The following BLK variants were observed in gnomAD, a reference collection of about 807,000 sequenced individuals.
The protein encoded by BLK is tyrosine-protein kinase Blk.
BLK carries 64 observed loss-of-function variants against 61.8 expected under a neutral mutation model. The observed-to-expected ratio is 1.03, with a 90% CI of 0.85 to 1.27. BLK has a LOEUF of 1.27. Among genes scored for constraint, BLK ranks in the 50% most tolerant of loss-of-function variants. The pLI is 0.00. For synonymous variants in BLK, 351 were observed against 272.0 expected, an observed-to-expected ratio of 1.29 and a Z score of -2.86; for missense variants, 853 against 660.5, an observed-to-expected ratio of 1.29 and a Z score of -3.19.
chr8:11,513,068 T>C (rs1388192049), intron 1 of BLK, among the ~76,000 whole-genome samples: 1 of 152,260 alleles, frequency 6.6e-6, no homozygotes, highest in Non-Finnish European at 1.5e-5. Flanking sequence ...CTTGAAGTTC[T>C]TTTTTGTCCT....
At chr8:11,542,869 A>G (rs1213011600) in intron 1 of BLK, among the ~76,000 whole-genome samples, 1 of 152,180 alleles carries the variant, frequency 6.6e-6, no homozygotes, top group East Asian at 1.9e-4. Context: ...AACTAAACCC[A>G]GAGCCCCAGA....
intron 1 of BLK, among the ~76,000 whole-genome samples, chr8:11,515,478 A>G (rs536200307): frequency 6.6e-6 from 1 of 152,238 alleles, no homozygotes; most frequent in East Asian, 1.9e-4. Flanking sequence ...GCCGGCGCAC[A>G]GGGGTCCTCC....
rs543371115 is a variant in BLK, at chr8:11,564,205, T to C, written c.*97T>C. On this transcript the variant is annotated 3_prime_UTR_variant, in exon 13 of 13. Coordinates refer to ENST00000259089, the MANE Select transcript of BLK (RefSeq NM_001715.3). Reference sequence around the variant, plus strand: ...GGCCGCGAAGGCGGGGTGTCGCCTGTGCCCTTTTCTCAGACCCGGAATCCA... The same window carrying C: ...GGCCGCGAAGGCGGGGTGTCGCCTGCGCCCTTTTCTCAGACCCGGAATCCA... 160 of 1,407,366 alleles carry C rather than the reference T, an allele frequency of 1.1e-4. 1 individual carries two copies. In the South Asian group the frequency reaches 1.6e-3, roughly 14 times the overall value. 87.2% of individuals were successfully genotyped at this position (1,407,366 alleles called of 1,614,324 possible). A position where few individuals can be genotyped will look rare whatever the true frequency, so the allele number is the denominator to read the frequency against.
chr8:11,558,606 A>G (rs1380728200), intron 10 of BLK: 1 of 454,010 alleles, frequency 2.2e-6, no homozygotes, highest in Non-Finnish European at 4.4e-6. Flanking sequence ...CGAGTGCTGG[A>G]CCTCCTTGGC....
intron 8 of BLK, chr8:11,556,270 C>T (rs538124581): frequency 1.2e-5 from 4 of 320,726 alleles, no homozygotes; most frequent in East Asian, 7.8e-5. Context: ...GACCCCCATG[C>T]GTCATCCTCC....
At chr8:11,529,665 G>C (rs748621321) in intron 1 of BLK, among the ~76,000 whole-genome samples, 3 of 151,922 alleles carry the variant, frequency 2.0e-5, no homozygotes, top group African/African-American at 4.8e-5. Flanking sequence ...AAAGAAGGAG[G>C]GTTCTTCTGG....
chr8:11,532,823 C>G (rs765628675), intron 1 of BLK, among the ~76,000 whole-genome samples: 1 of 152,166 alleles, frequency 6.6e-6, no homozygotes, highest in Non-Finnish European at 1.5e-5. Context: ...TTAGTGAGCG[C>G]TGAATATTAT....
At chr8:11,554,921 T>C (rs1294139099) in intron 7 of BLK, 32 bp downstream of exon 7, 1 of 1,607,154 alleles carries the variant, frequency 6.2e-7, no homozygotes, top group Admixed American at 1.7e-5. Flanking sequence ...GGGCAGGGAC[T>C]TGTGCCAAGA....
In BLK at chr8:11,541,532, C is replaced by G. The variant is rs1162255144; in HGVS notation, c.-1-1692C>G. ...TTTTTTTTCGAGATGGAGTCTCACT[C>G]TGTTGCCCAGGCTGGAGTGCAATGG... On this transcript the variant is annotated intron_variant, in intron 1 of 12. Coordinates refer to ENST00000259089, the MANE Select transcript of BLK (RefSeq NM_001715.3). Among the ~76,000 whole-genome samples the G allele has an allele frequency of 1.7e-4, 25 of 150,082 alleles. No homozygotes were observed. The Admixed American group carries it at 1.7e-3, about 10-fold the overall frequency.
intron 1 of BLK, among the ~76,000 whole-genome samples, chr8:11,513,272 G>C (rs1271581435): frequency 1.3e-5 from 2 of 152,146 alleles, no homozygotes; most frequent in East Asian, 3.9e-4. Context: ...TGGTAGGAAG[G>C]GGGAGATGGA....
intron 2 of BLK, among the ~76,000 whole-genome samples, chr8:11,544,223 C>T (rs1199733544): frequency 6.6e-6 from 1 of 152,144 alleles, no homozygotes; most frequent in South Asian, 2.1e-4. Context: ...CCTTGGCCTC[C>T]CAAAGTGGTG....
rs745428886 is a variant in BLK, at chr8:11,546,084, C to T, written c.156C>T (p.Pro52=). Residue 52 remains proline, a synonymous_variant, in exon 3 of 13, where the codon CCC becomes CCT. Coordinates refer to ENST00000259089, the MANE Select transcript of BLK (RefSeq NM_001715.3). Reference sequence around the variant, plus strand: ...TCAACCACCTTACTCCTCCACCGCCCGATGAACACCTGGATGAAGGTAAGA... The same window carrying T: ...TCAACCACCTTACTCCTCCACCGCCTGATGAACACCTGGATGAAGGTAAGA... The part of the protein sequence containing the change: ...VVFNHLTPPP[P]DEHLDEDKHF... 45 of 1,614,056 alleles carry T rather than the reference C, an allele frequency of 2.8e-5. No individual in the cohort carries two copies. Among genetic ancestry groups the T allele is most frequent in the East Asian group, 1.1e-4 (5 of 44,886 alleles).
intron 1 of BLK, among the ~76,000 whole-genome samples, chr8:11,514,884 A>T (rs1319093018): frequency 6.6e-6 from 1 of 152,188 alleles, no homozygotes; most frequent in Non-Finnish European, 1.5e-5. Context: ...TTTCTGATCC[A>T]ACCCACCAGT....
At chr8:11,525,548 T>G (rs145477445) in intron 1 of BLK, among the ~76,000 whole-genome samples, 6 of 152,364 alleles carry the variant, frequency 3.9e-5, no homozygotes, top group African/African-American at 1.2e-4. Flanking sequence ...CAGATCTCTT[T>G]TATCCTTTTA....
At chr8:11,518,711 A>G (rs1002463439) in intron 1 of BLK, among the ~76,000 whole-genome samples, 3 of 151,954 alleles carry the variant, frequency 2.0e-5, no homozygotes, top group Non-Finnish European at 2.9e-5. Context: ...AAACCATACA[A>G]TGGTCCAACA....
At chr8:11,530,111 A>G (rs982016845) in intron 1 of BLK, among the ~76,000 whole-genome samples, 3 of 152,218 alleles carry the variant, frequency 2.0e-5, no homozygotes, top group East Asian at 1.9e-4. Flanking sequence ...TTATTTACAT[A>G]AAGTGCAGCA....
At chr8:11,544,153 CAG>C (rs1386621989) in intron 2 of BLK, among the ~76,000 whole-genome samples, 21 of 152,238 alleles carry the variant, frequency 1.4e-4, no homozygotes, top group African/African-American at 3.8e-4. Context: ...TTAGTAGAGA[CAG>C]AGTTTCACCA....
intron 1 of BLK, among the ~76,000 whole-genome samples, chr8:11,505,843 G>A (rs573779987): frequency 8.5e-5 from 13 of 152,126 alleles, no homozygotes; most frequent in Non-Finnish European, 1.8e-4. Flanking sequence ...AGGACTCCCT[G>A]GCACACATGA....
At chr8:11,508,394 A>G (rs11997711) in intron 1 of BLK, among the ~76,000 whole-genome samples, 4,138 of 152,290 alleles carry the variant, frequency 0.027, 152 homozygotes, top group African/African-American at 0.08. Context: ...GGGATCCAGA[A>G]CAGCTTTCCT....
Sources: gnomAD v4.1 joint callset for allele counts (sites outside exome capture counted in the v4.1 genomes callset) on GRCh38, gnomAD v4.1.1 for gene constraint, MANE v1.5 for transcripts, NCBI Gene and HGNC (gene_info 2026-07-23, HGNC 2026-07-21) for gene names.